Variants in PKM observed in about 807,000 individuals in gnomAD.
The protein encoded by PKM is pyruvate kinase M1/2.
Under a neutral mutation model 49.8 loss-of-function variants are expected in PKM, and 18 were observed. The ratio of observed to expected loss-of-function variants is 0.36; its 90% CI spans 0.25 to 0.54. The LOEUF is 0.54. Ranked by LOEUF, PKM falls within the 20% of genes least tolerant of loss-of-function variation. PKM has a pLI of 0.89. For missense variants in PKM, 508 were observed against 713.8 expected, an observed-to-expected ratio of 0.71 and a Z score of 3.28; for synonymous variants, 239 against 261.8, an observed-to-expected ratio of 0.91 and a Z score of 0.84.
At chr15:72,201,407 G>A (rs3825949) in intron 9 of PKM, 2,040 of 152,394 alleles carry the variant, frequency 0.013, 21 homozygotes, top group East Asian at 0.028. Flanking sequence ...AGCTGCAGCT[G>A]TGTCTCAGGA....
At chr15:72,205,049 C>A (rs1164407349) in intron 8 of PKM, among the ~76,000 whole-genome samples, 1 of 152,118 alleles carries the variant, frequency 6.6e-6, no homozygotes, top group Admixed American at 6.5e-5. Flanking sequence ...GAGGTGTCAG[C>A]CAGGCCCAGT....
intron 8 of PKM, among the ~76,000 whole-genome samples, chr15:72,205,632 T>G (rs940441787): frequency 3.4e-4 from 52 of 150,762 alleles, no homozygotes; most frequent in South Asian, 6.3e-4. Flanking sequence ...TAGTTTTTTT[T>G]TTTTTTTTTT....
chr15:72,228,408 C>G (rs1268599090), intron 1 of PKM, among the ~76,000 whole-genome samples: 2 of 123,988 alleles, frequency 1.6e-5, no homozygotes, highest in Non-Finnish European at 3.2e-5. Context: ...GAAGGAGTCT[C>G]GCTCTGTCGC....
At chr15:72,203,484 T>G (rs2081997547) in intron 8 of PKM, 1 of 431,218 alleles carries the variant, frequency 2.3e-6, no homozygotes, top group African/African-American at 2.0e-5. Flanking sequence ...CACCCTGGCA[T>G]GAAAACATGC....
chr15:72,199,837 T>C, intron 10 of PKM, 81 bp from the exon 11 acceptor site: 1 of 867,356 alleles, frequency 1.2e-6, no homozygotes, highest in East Asian at 2.6e-5. Context: ...ATAGCCTGAG[T>C]ACTGAACTAG....
At chr15:72,222,211 G>A (rs184084282) in intron 1 of PKM, among the ~76,000 whole-genome samples, 31 of 152,298 alleles carry the variant, frequency 2.0e-4, no homozygotes, top group Admixed American at 2.0e-3. Context: ...TTTCTATAGT[G>A]GATTTACGCA....
chr15:72,228,651 C>G, intron 1 of PKM: 1 of 1,284,678 alleles, frequency 7.8e-7, no homozygotes, highest in Non-Finnish European at 1.0e-6. Context: ...CCCACTCCCC[C>G]ACAGATTTGG....
intron 3 of PKM, among the ~76,000 whole-genome samples, chr15:72,212,568 A>G (rs1384561156): frequency 6.6e-6 from 1 of 152,190 alleles, no homozygotes; most frequent in Non-Finnish European, 1.5e-5. Flanking sequence ...GTGAGGAGTA[A>G]AAGAATACAT....
chr15:72,228,601 G>A, intron 1 of PKM: 1 of 1,269,848 alleles, frequency 7.9e-7, no homozygotes, highest in Non-Finnish European at 1.0e-6. Flanking sequence ...TCTCTCAAAA[G>A]CAGAATAATT....
chr15:72,227,104 T>TA (rs1255435203), intron 1 of PKM, among the ~76,000 whole-genome samples: 10 of 152,268 alleles, frequency 6.6e-5, no homozygotes, highest in African/African-American at 2.4e-4. Flanking sequence ...TGCCCCTTGG[T>TA]AAAAAAATGC....
Position 72,202,473 on chromosome 15 carries a change from C to T in PKM, c.1288G>A (p.Val430Ile), listed in dbSNP as rs750752269. The T allele has an allele frequency of 4.1e-5, 66 of 1,613,128 alleles. No homozygotes were observed. Among genetic ancestry groups the T allele is most frequent in the Non-Finnish European group, 4.7e-5 (55 of 1,179,896 alleles). The stretch of plus-strand genomic sequence containing the variant: ...TCCTACCTGCCAGACTTGGTGAGGA[C>T]GATTATGGCCCCACTGCAGCACTTG... ...SFKCCSGAII[V>I]LTKSGRSAHQ... is the part of the protein sequence containing the mutation. Residue 430 changes from valine to isoleucine, a missense_variant, in exon 9 of 11, where the codon GTC (valine) becomes ATC (isoleucine). Physicochemically the swap from Val to Ile is conservative, Grantham distance 29. Transcript: ENST00000335181. This position sits in a 1 kb window ranked among gnomAD's most constrained non-coding sequence, Gnocchi z 4.5.
chr15:72,203,053 C>T (rs772760327), intron 8 of PKM: 1 of 1,614,208 alleles, frequency 6.2e-7, no homozygotes, highest in Non-Finnish European at 8.5e-7. Context: ...ATCAAAGCTG[C>T]TGCTAAACAC....
chr15:72,230,901 T>C (rs1340840121), intron 1 of PKM: 1 of 1,284,492 alleles, frequency 7.8e-7, no homozygotes, highest in Non-Finnish European at 1.0e-6. Flanking sequence ...CGGACCCGCC[T>C]GATCTGGAAG....
chr15:72,210,520 A>T lies in PKM; in HGVS notation c.247-42T>A, dbSNP rs1334286036. 5 of 1,613,010 alleles carry T rather than the reference A, an allele frequency of 3.1e-6. No individual in the cohort carries two copies. In the South Asian group the frequency reaches 5.5e-5, roughly 18 times the overall value. Reference sequence around the variant, plus strand: ...AAGATGACAAGCGTGCTCCCACACTAGAATCCAGCTCCAATTCCCCTGCCC... The same window carrying T: ...AAGATGACAAGCGTGCTCCCACACTTGAATCCAGCTCCAATTCCCCTGCCC... On this transcript the variant is annotated intron_variant, in intron 3 of 10. Coordinates refer to ENST00000335181, the MANE Select transcript of PKM (RefSeq NM_002654.6).
Position 72,202,803 on chromosome 15 carries a change from C to T in PKM, c.1141-183G>A, listed in dbSNP as rs1483908283. On this transcript the variant is annotated intron_variant, in intron 8 of 10. Transcript: ENST00000335181. The surrounding 1 kb of genome is among the most constrained non-coding windows in gnomAD (Gnocchi z 4.5). ...GAGCTGAGCCAAGATCAAGACTCCA[C>T]AGAAACCAGTCCTTCACCAAGTGCC... 1.4e-5 allele frequency: 10 copies of T among 707,794 alleles called. No individual in the cohort carries two copies. Among genetic ancestry groups the T allele is most frequent in the Non-Finnish European group, 2.4e-5 (10 of 411,722 alleles). 43.8% of individuals were successfully genotyped at this position (707,794 alleles called of 1,614,324 possible). A position where few individuals can be genotyped will look rare whatever the true frequency, so the allele number is the denominator to read the frequency against.
intron 3 of PKM, 38 bp from the exon 4 acceptor site, chr15:72,210,516 C>T (rs898162471): frequency 1.9e-6 from 3 of 1,613,198 alleles, no homozygotes; most frequent in Admixed American, 1.7e-5. Context: ...CGTGCTCCCA[C>T]ACTAGAATCC....
At chr15:72,210,521 G>A (rs779707714) in intron 3 of PKM, 43 bp from the exon 4 acceptor site, 2 of 1,612,652 alleles carry the variant, frequency 1.2e-6, no homozygotes, top group Non-Finnish European at 1.7e-6. Context: ...TCCCACACTA[G>A]AATCCAGCTC....
At chr15:72,203,669 G>C in intron 8 of PKM, 1 of 180,002 alleles carries the variant, frequency 5.6e-6, no homozygotes, top group Non-Finnish European at 1.2e-5. Context: ...GCACGGGGAT[G>C]CACTGAGCCT....
At chr15:72,208,537 G>T (rs1035514452) in intron 6 of PKM, 84 bp downstream of exon 6, 2 of 1,433,800 alleles carry the variant, frequency 1.4e-6, no homozygotes, top group Non-Finnish European at 2.0e-6. Context: ...GATGGGCTAG[G>T]GGCTGGGAAT....
Sources: gnomAD v4.1 joint callset for allele counts (sites outside exome capture counted in the v4.1 genomes callset) on GRCh38, gnomAD v4.1.1 for gene constraint, Gnocchi (gnomAD v3.1) non-coding constraint, MANE v1.5 for transcripts, NCBI Gene and HGNC (gene_info 2026-07-23, HGNC 2026-07-21) for gene names.